The following GABBR1 variants were observed in gnomAD, a reference collection of about 807,000 sequenced individuals.
The protein encoded by GABBR1 is gamma-aminobutyric acid type B receptor subunit 1.
In GABBR1, 35 loss-of-function variants were observed where a neutral mutation model predicts 117.7. That is an observed-to-expected ratio of 0.30 (90% confidence interval 0.23 to 0.39). The LOEUF (loss-of-function observed/expected upper bound fraction) is 0.39, where lower values mean the gene tolerates loss of function less well. Among genes scored for constraint, GABBR1 ranks in the 10% least tolerant of loss-of-function variants. The pLI, the probability that GABBR1 is intolerant of heterozygous loss-of-function variation, is 1.00. For synonymous variants in GABBR1, 442 were observed against 486.6 expected, an observed-to-expected ratio of 0.91 and a Z score of 1.21; for missense variants, 709 against 1,241.8, an observed-to-expected ratio of 0.57 and a Z score of 6.45.
In GABBR1 at chr6:29,605,274, A is replaced by G. The variant is rs1761832942; in HGVS notation, c.2440-286T>C. On this transcript the variant is annotated intron_variant, in intron 20 of 22. Coordinates refer to ENST00000377034, the MANE Select transcript of GABBR1 (RefSeq NM_001470.4). The surrounding 1 kb of genome is among the most constrained non-coding windows in gnomAD (Gnocchi z 4.2). ...AGTCGGTCCCTGGCAGGAAATGTCA[A>G]TAGAGTCCAGCCCATTAACCACAGA... 3.6e-6 allele frequency: 2 copies of G among 562,182 alleles called. No homozygotes were observed. Among genetic ancestry groups the G allele is most frequent in the Admixed American group, 6.9e-5 (2 of 28,850 alleles). 34.8% of individuals were successfully genotyped at this position (562,182 alleles called of 1,614,324 possible).
rs975707984 is a variant in GABBR1, at chr6:29,605,253, G to C, written c.2440-265C>G. 2.0e-5 allele frequency: 11 copies of C among 552,330 alleles called. No individual in the cohort carries two copies. Among genetic ancestry groups the C allele is most frequent in the Non-Finnish European group, 3.1e-5 (10 of 317,662 alleles). The allele number at this position is 552,330 out of a possible 1,614,324, so 34.2% of individuals were successfully genotyped here. On this transcript the variant is annotated intron_variant, in intron 20 of 22. Coordinates refer to ENST00000377034, the MANE Select transcript of GABBR1 (RefSeq NM_001470.4). The surrounding 1 kb of genome is among the most constrained non-coding windows in gnomAD (Gnocchi z 4.2). ...CACAGATTCCGGGTCCTCCAGAGTC[G>C]GTCCCTGGCAGGAAATGTCAATAGA...
At position 29,621,861 on chromosome 6, in the gene GABBR1, G is replaced by A; in HGVS notation, c.1066-44C>T. 6.3e-7 allele frequency: 1 copy of A among 1,586,688 alleles called. No individual in the cohort carries two copies. Among genetic ancestry groups the A allele is most frequent in the Middle Eastern group, 1.7e-4 (1 of 6,002 alleles). ...CAGCTCCTGAGGGATGCCCGGGAATGCCTGAGGGGCTAAGCCAGATGTCTT... is the reference window on the plus strand; with the variant it reads ...CAGCTCCTGAGGGATGCCCGGGAATACCTGAGGGGCTAAGCCAGATGTCTT... On this transcript the variant is annotated intron_variant, in intron 9 of 22. Transcript: ENST00000377034. This position sits in a 1 kb window ranked among gnomAD's most constrained non-coding sequence, Gnocchi z 5.0.
Position 29,613,575 on chromosome 6 carries a change from C to G in GABBR1, c.1324-90G>C. The G allele has an allele frequency of 1.4e-6, 2 of 1,446,452 alleles. No homozygotes were observed. The highest frequency in any genetic ancestry group is 1.9e-6 in the Non-Finnish European group (2 of 1,057,276). The allele number at this position is 1,446,452 out of a possible 1,614,324, so 89.6% of individuals were successfully genotyped here. A position where few individuals can be genotyped will look rare whatever the true frequency, so the allele number is the denominator to read the frequency against. On this transcript the variant is annotated intron_variant, in intron 11 of 22. Transcript: ENST00000377034. The surrounding 1 kb of genome is among the most constrained non-coding windows in gnomAD (Gnocchi z 4.1). ...TCCAATTCTGACTCAATCACTTCTA[C>G]TTGAATGGATGGTTTGTGTTACTGT...
chr6:29,621,309 A>C lies in GABBR1; in HGVS notation c.1132-17T>G. The C allele has an allele frequency of 6.2e-7, 1 of 1,602,216 alleles. No individual in the cohort carries two copies. The highest frequency in any genetic ancestry group is 8.5e-7 in the Non-Finnish European group (1 of 1,173,352). On this transcript the variant is annotated splice_polypyrimidine_tract_variant and intron_variant, in intron 10 of 22. Coordinates refer to ENST00000377034, the MANE Select transcript of GABBR1 (RefSeq NM_001470.4). This position sits in a 1 kb window ranked among gnomAD's most constrained non-coding sequence, Gnocchi z 5.0. ...CTTGTACACCTGAATACAGAGGAGA[A>C]TGGCTGAGTTTTTGTTTGCTCATTT...
chr6:29,620,525 A>G lies in GABBR1; in HGVS notation c.1323+576T>C, dbSNP rs1424454075. 2.0e-5 allele frequency among the ~76,000 whole-genome samples: 3 copies of G among 152,202 alleles called. No homozygotes were observed. Among genetic ancestry groups the G allele is most frequent in the Admixed American group, 2.0e-4 (3 of 15,280 alleles). ...AGGGCTGCCCCAGCCCTCTCAAATC[A>G]GAGAATGCGCCTCCTCGCTCCAAGT... On this transcript the variant is annotated intron_variant, in intron 11 of 22. Transcript: ENST00000377034. This position sits in a 1 kb window ranked among gnomAD's most constrained non-coding sequence, Gnocchi z 4.5.
intron 5 of GABBR1, among the ~76,000 whole-genome samples, chr6:29,628,468 T>A (rs1211301584): frequency 6.6e-6 from 1 of 151,470 alleles, no homozygotes; most frequent in Non-Finnish European, 1.5e-5. Context: ...AGGAAACGGT[T>A]TTGGAGGGAA....
intron 6 of GABBR1, among the ~76,000 whole-genome samples, chr6:29,625,268 C>T (rs1252380584): frequency 6.6e-6 from 1 of 152,200 alleles, no homozygotes; most frequent in East Asian, 1.9e-4. Context: ...TCAGGACCCA[C>T]CTTCCTGCAC....
chr6:29,603,758 G>A (rs751611049), intron 22 of GABBR1, 42 bp from the exon 23 acceptor site: 1 of 1,414,596 alleles, frequency 7.1e-7, no homozygotes, highest in Admixed American at 2.9e-5. Flanking sequence ...AGAAGAGGAG[G>A]TGATGAAGGA....
Position 29,621,104 on chromosome 6 carries a change from G to A in GABBR1, c.1320C>T (p.Asn440=). ...CTGCAAGTCCCCACACTCTCACCAT[G>A]TTGGAAATGCTGCGGGTATTGGCAG... ...LNPANTRSIS[N]MTSQEFVEKL... is the part of the protein sequence containing the mutation. Residue 440 remains asparagine, a synonymous_variant, in exon 11 of 23, where the codon AAC becomes AAT. Transcript: ENST00000377034. The surrounding 1 kb of genome is among the most constrained non-coding windows in gnomAD (Gnocchi z 5.0). The A allele has an allele frequency of 1.2e-6, 2 of 1,611,928 alleles. No homozygotes were observed. Among genetic ancestry groups the A allele is most frequent in the Non-Finnish European group, 8.5e-7 (1 of 1,179,516 alleles).
At position 29,623,865 on chromosome 6, in the gene GABBR1, T is replaced by A; in HGVS notation, c.792+25A>T. On this transcript the variant is annotated intron_variant, in intron 7 of 22. Coordinates refer to ENST00000377034, the MANE Select transcript of GABBR1 (RefSeq NM_001470.4). The surrounding 1 kb of genome is among the most constrained non-coding windows in gnomAD (Gnocchi z 6.2). The stretch of plus-strand genomic sequence containing the variant: ...GAGCTCAAAAGGGAATGACCCCATC[T>A]TCTGACCCCCATAGCCCTGCTTACC... 1 of 1,607,932 alleles carries A rather than the reference T, an allele frequency of 6.2e-7. No individual in the cohort carries two copies. The highest frequency in any genetic ancestry group is 1.1e-5 in the South Asian group (1 of 90,558).
In GABBR1 at chr6:29,609,255, GGACA is replaced by G; in HGVS notation, c.1829_1832del (p.Leu610ProfsTer19). 6.2e-7 allele frequency: 1 copy of G among 1,613,020 alleles called. No individual in the cohort carries two copies. The highest frequency in any genetic ancestry group is 8.5e-7 in the Non-Finnish European group (1 of 1,180,002). Reference sequence around the variant, plus strand: ...GGACATGTGAGTTGTAGATGTTAAAGGACAGACAGACAACAGCTAGGACAATGCC... The same window carrying G: ...GGACATGTGAGTTGTAGATGTTAAAGGACAGACAACAGCTAGGACAATGCC... On this transcript the variant is annotated frameshift_variant, in exon 15 of 23. Coordinates refer to ENST00000377034, the MANE Select transcript of GABBR1 (RefSeq NM_001470.4). LOFTEE classifies it high-confidence loss of function. This position sits in a 1 kb window ranked among gnomAD's most constrained non-coding sequence, Gnocchi z 4.3.
rs1303623418 is a variant in GABBR1 at position 29,606,893 on chromosome 6, G to A, written c.2217+4C>T. ...TGACCATAGCACCTCCTCTCCAGTG[G>A]TACCTCAATGGTCCGGTGCAGAGGG... is the stretch of plus-strand genomic sequence containing the variant. On this transcript the variant is annotated splice_donor_region_variant and intron_variant, in intron 18 of 22. Coordinates refer to ENST00000377034, the MANE Select transcript of GABBR1 (RefSeq NM_001470.4). The surrounding 1 kb of genome is among the most constrained non-coding windows in gnomAD (Gnocchi z 4.5). 1 of 1,612,378 alleles carries A rather than the reference G, an allele frequency of 6.2e-7. No homozygotes were observed. Among genetic ancestry groups the A allele is most frequent in the African/African-American group, 1.3e-5 (1 of 74,906 alleles).
Position 29,631,338 on chromosome 6 carries a change from G to A in GABBR1, c.289+58C>T. The A allele has an allele frequency of 6.5e-7, 1 of 1,536,254 alleles. No homozygotes were observed. Among genetic ancestry groups the A allele is most frequent in the East Asian group, 2.3e-5 (1 of 44,246 alleles). The stretch of plus-strand genomic sequence containing the variant: ...GCTGACTTGCAAGCAGTAATGCTAA[G>A]TTTGCGGCAGGAAAAGGAATAGTCT... On this transcript the variant is annotated intron_variant, in intron 3 of 22. Coordinates refer to ENST00000377034, the MANE Select transcript of GABBR1 (RefSeq NM_001470.4). This position sits in a 1 kb window ranked among gnomAD's most constrained non-coding sequence, Gnocchi z 5.9.
In GABBR1 at chr6:29,622,050, G is replaced by C; in HGVS notation, c.1065+54C>G. On this transcript the variant is annotated intron_variant, in intron 9 of 22. Transcript: ENST00000377034. This position sits in a 1 kb window ranked among gnomAD's most constrained non-coding sequence, Gnocchi z 4.6. ...TGGCTTTCCTCTCCAACCAGTCACTGTCCCCCAGCTTGGTCCCTCCGTAAA... is the reference window on the plus strand; with the variant it reads ...TGGCTTTCCTCTCCAACCAGTCACTCTCCCCCAGCTTGGTCCCTCCGTAAA... 1 of 1,474,898 alleles carries C rather than the reference G, an allele frequency of 6.8e-7. No individual in the cohort carries two copies. Among genetic ancestry groups the C allele is most frequent in the South Asian group, 1.1e-5 (1 of 88,160 alleles). The allele number at this position is 1,474,898 out of a possible 1,614,324, so 91.4% of individuals were successfully genotyped here. A position where few individuals can be genotyped will look rare whatever the true frequency, so the allele number is the denominator to read the frequency against.
chr6:29,615,102 T>C (rs887878955), intron 11 of GABBR1, among the ~76,000 whole-genome samples: 2 of 148,782 alleles, frequency 1.3e-5, no homozygotes, highest in African/African-American at 2.5e-5. Flanking sequence ...CTGGGCAACA[T>C]GGTGAAACCC....
rs760099552 is a variant in GABBR1, at chr6:29,631,430, G to A, written c.255C>T (p.Gly85=). The A allele has an allele frequency of 6.2e-7, 1 of 1,614,152 alleles. No individual in the cohort carries two copies. The highest frequency in any genetic ancestry group is 1.7e-5 in the Admixed American group (1 of 60,028). ...TGGGTGTGTCCATATCTGTCCAGGA[G>A]CCGTTGGCCAGGCACTTGCGGACCT... ...GPKVRKCLAN[G]SWTDMDTPSR... Residue 85 remains glycine (G), a synonymous_variant, in exon 3 of 23, where the codon GGC becomes GGT. Coordinates refer to ENST00000377034, the MANE Select transcript of GABBR1 (RefSeq NM_001470.4). This position sits in a 1 kb window ranked among gnomAD's most constrained non-coding sequence, Gnocchi z 5.9.
chr6:29,608,819 G>C lies in GABBR1; in HGVS notation c.1860-86C>G, dbSNP rs1762236265. 2.1e-6 allele frequency: 3 copies of C among 1,435,504 alleles called. No individual in the cohort carries two copies. In the East Asian group the frequency reaches 6.9e-5, roughly 33 times the overall value. 88.9% of individuals were successfully genotyped at this position (1,435,504 alleles called of 1,614,324 possible). A position where few individuals can be genotyped will look rare whatever the true frequency, so the allele number is the denominator to read the frequency against. On this transcript the variant is annotated intron_variant, in intron 15 of 22. Transcript: ENST00000377034. The stretch of plus-strand genomic sequence containing the variant: ...TGAGCTCTCCAAATACCACGCAATG[G>C]CATGACCCTAATTTCAGGGCCAGGG...
At position 29,609,481 on chromosome 6, in the gene GABBR1, G is replaced by A. The variant is rs904856126; in HGVS notation, c.1709-102C>T. 5 of 967,492 alleles carry A rather than the reference G, an allele frequency of 5.2e-6. No individual in the cohort carries two copies. In the African/African-American group the frequency reaches 8.1e-5, roughly 16 times the overall value. The allele number at this position is 967,492 out of a possible 1,614,324, so 59.9% of individuals were successfully genotyped here. On this transcript the variant is annotated intron_variant, in intron 14 of 22. Transcript: ENST00000377034. The surrounding 1 kb of genome is among the most constrained non-coding windows in gnomAD (Gnocchi z 4.3). Reference sequence around the variant, plus strand: ...GAAAAGGGCAAAGAACTAGATTGCTGATGGACATTCAGTCATTGGCTGGGG... The same window carrying A: ...GAAAAGGGCAAAGAACTAGATTGCTAATGGACATTCAGTCATTGGCTGGGG...
In GABBR1 at chr6:29,621,827, A is replaced by T; in HGVS notation, c.1066-10T>A. ...TTCGGGCATCCTGGCGCTACAACAG[A>T]GAAAGAAACAGCTCCTGAGGGATGC... On this transcript the variant is annotated splice_polypyrimidine_tract_variant and intron_variant, in intron 9 of 22. Coordinates refer to ENST00000377034, the MANE Select transcript of GABBR1 (RefSeq NM_001470.4). This position sits in a 1 kb window ranked among gnomAD's most constrained non-coding sequence, Gnocchi z 5.0. 1 of 1,614,090 alleles carries T rather than the reference A, an allele frequency of 6.2e-7. No homozygotes were observed. Among genetic ancestry groups the T allele is most frequent in the South Asian group, 1.1e-5 (1 of 91,084 alleles).
Sources: allele counts gnomAD v4.1 joint callset (sites outside exome capture counted in the v4.1 genomes callset), GRCh38; gene constraint gnomAD v4.1.1; non-coding constraint Gnocchi (gnomAD v3.1); transcripts MANE v1.5; gene names NCBI Gene and HGNC (gene_info 2026-07-23, HGNC 2026-07-21).